LAMA2: variants seen among roughly 807,000 people sequenced by gnomAD.
The protein encoded by LAMA2 is laminin subunit alpha 2, also known as laminin subunit alpha-2.
In LAMA2, 269 loss-of-function variants were observed where a neutral mutation model predicts 364.8. The observed-to-expected ratio is 0.74, with a 90% CI of 0.67 to 0.82. LAMA2 has a LOEUF of 0.82. LAMA2 is among the 40% of genes least tolerant of loss of function. The pLI is 0.00. For missense variants in LAMA2, 3,807 were observed against 3,873.2 expected (o/e 0.98, Z 0.45); for synonymous variants, 1,379 against 1,370.6 (o/e 1.01, Z -0.14).
intron 4 of LAMA2, among the ~76,000 whole-genome samples, chr6:129,117,024 T>C (rs1776519573): frequency 6.6e-6 from 1 of 152,196 alleles, no homozygotes; most frequent in South Asian, 2.1e-4. Context: ...GAAAAATGCA[T>C]ACTAGCTGCT....
At chr6:129,184,978 A>G (rs2115026463) in intron 10 of LAMA2, among the ~76,000 whole-genome samples, 1 of 152,090 alleles carries the variant, frequency 6.6e-6, no homozygotes, top group South Asian at 2.1e-4. Context: ...ACTGCTAATT[A>G]ACTAATTATC....
intron 1 of LAMA2, among the ~76,000 whole-genome samples, chr6:128,963,800 G>A (rs1453874101): frequency 6.6e-6 from 1 of 152,058 alleles, no homozygotes; most frequent in Non-Finnish European, 1.5e-5. Flanking sequence ...CCTTTTAGCT[G>A]ACAAAACATT....
intron 12 of LAMA2, among the ~76,000 whole-genome samples, chr6:129,213,664 GTA>G (rs1264304752): frequency 6.6e-6 from 1 of 152,082 alleles, no homozygotes; most frequent in African/African-American, 2.4e-5. Flanking sequence ...TTTTCCATCT[GTA>G]TATAAGCTTT....
At chr6:129,409,954 A>T (rs1780443079) in intron 40 of LAMA2, among the ~76,000 whole-genome samples, 1 of 152,164 alleles carries the variant, frequency 6.6e-6, no homozygotes, top group Non-Finnish European at 1.5e-5. Flanking sequence ...ACAGTGAATG[A>T]ATAGATTTTC....
At chr6:129,356,502 G>T (rs780461770) in intron 32 of LAMA2, among the ~76,000 whole-genome samples, 2 of 152,004 alleles carry the variant, frequency 1.3e-5, no homozygotes, top group African/African-American at 4.8e-5. Flanking sequence ...CATCCCCACT[G>T]TGTGATAAGA....
intron 9 of LAMA2, among the ~76,000 whole-genome samples, chr6:129,172,947 C>A (rs944770290): frequency 1.3e-5 from 2 of 152,216 alleles, no homozygotes; most frequent in African/African-American, 2.4e-5. Context: ...AGGTGCCGTC[C>A]GTCACCCCTT....
chr6:129,259,936 A>G lies in LAMA2; in HGVS notation c.2097-775A>G, dbSNP rs952697285. 7.9e-5 allele frequency among the ~76,000 whole-genome samples: 12 copies of G among 152,182 alleles called. 1 individual carries two copies. The highest frequency in any genetic ancestry group is 1.6e-4 in the Non-Finnish European group (11 of 68,002). On this transcript the variant is annotated intron_variant, in intron 14 of 64. Coordinates refer to ENST00000421865, the MANE Select transcript of LAMA2 (RefSeq NM_000426.4). ...CCTTTTACACAAAAATAGGAAAAGC[A>G]AGTAAGATACCAATAACATTTATTT...
At chr6:128,890,568 CATGCTGCTTATTACTATGTAG>C (rs1776396298) in intron 1 of LAMA2, among the ~76,000 whole-genome samples, 1 of 151,802 alleles carries the variant, frequency 6.6e-6, no homozygotes, top group African/African-American at 2.4e-5. Flanking sequence ...CACACACACA[CATGCTGCTTATTACTATGTAG>C]ACATATACAC....
chr6:129,225,438 T>C (rs536115234), intron 12 of LAMA2, among the ~76,000 whole-genome samples: 63 of 152,338 alleles, frequency 4.1e-4, no homozygotes, highest in African/African-American at 1.5e-3. Context: ...GGTGTCAATT[T>C]TGGATCTTTC....
chr6:129,072,124 G>A (rs1282076314), intron 3 of LAMA2, among the ~76,000 whole-genome samples: 1 of 152,102 alleles, frequency 6.6e-6, no homozygotes, highest in Non-Finnish European at 1.5e-5. Context: ...TCCAGCCTGG[G>A]TGACAGAGCT....
chr6:129,422,892 A>G (rs754414461), intron 40 of LAMA2, among the ~76,000 whole-genome samples: 5 of 152,112 alleles, frequency 3.3e-5, no homozygotes, highest in Admixed American at 6.5e-5. Context: ...AAAGAAAATT[A>G]TATTATATAA....
chr6:128,937,838 GT>G (rs367841520), intron 1 of LAMA2, among the ~76,000 whole-genome samples: 3,263 of 143,896 alleles, frequency 0.023, 101 homozygotes, highest in African/African-American at 0.068. Context: ...CTTTGTCTTA[GT>G]TTTTTTTTTC....
intron 40 of LAMA2, 85 bp downstream of exon 40, chr6:129,404,044 T>A: frequency 6.9e-7 from 1 of 1,443,880 alleles, no homozygotes; most frequent in Non-Finnish European, 9.6e-7. Context: ...AAAATCCCAG[T>A]AAATTGGTAT....
intron 1 of LAMA2, among the ~76,000 whole-genome samples, chr6:129,033,235 A>G (rs1786365198): frequency 6.6e-6 from 1 of 151,926 alleles, no homozygotes; most frequent in Non-Finnish European, 1.5e-5. Flanking sequence ...AAAAAAGAAA[A>G]GAATGAAGTA....
At chr6:129,248,085 C>A (rs1181466849) in intron 12 of LAMA2, among the ~76,000 whole-genome samples, 2 of 152,262 alleles carry the variant, frequency 1.3e-5, no homozygotes, top group Middle Eastern at 3.4e-3. Flanking sequence ...AGCTCTACCG[C>A]CTGTCAGATC....
intron 62 of LAMA2, among the ~76,000 whole-genome samples, chr6:129,511,232 A>AAAG (rs1405226881): frequency 2.6e-5 from 4 of 152,104 alleles, no homozygotes; most frequent in Non-Finnish European, 5.9e-5. Flanking sequence ...TTTGTTCTTA[A>AAAG]AAGTTTTCCA....
chr6:129,305,648 A>T (rs976110267), intron 22 of LAMA2, among the ~76,000 whole-genome samples: 16 of 151,820 alleles, frequency 1.1e-4, no homozygotes, highest in African/African-American at 2.7e-4. Context: ...AGAGAGAGAG[A>T]GTGTGTGTGT....
intron 1 of LAMA2, among the ~76,000 whole-genome samples, chr6:128,997,056 C>T (rs752945293): frequency 6.0e-4 from 89 of 149,104 alleles, no homozygotes; most frequent in Non-Finnish European, 8.4e-4. Flanking sequence ...TGTTCTCACT[C>T]ATAAGTGGGT....
Position 129,473,237 on chromosome 6 carries a change from G to C in LAMA2, c.7324G>C (p.Asp2442His), listed in dbSNP as rs1325242956. ...KQANISIVDIDTNQEENIATS... is the reference protein window; with the variant it reads ...KQANISIVDIHTNQEENIATS... ...AGCCAATATATCAATTGTAGATATA[G>C]ATACTAATCAGGAGGAGAATATAGC... Residue 2442 changes from aspartate to histidine, a missense_variant, in exon 52 of 65, where the codon GAT (aspartate) becomes CAT (histidine). By Grantham distance (81) the Asp-to-His change is moderately conservative. This residue lies in a region of LAMA2 where 3,333 missense variants were observed against 3,345.7 expected (regional missense o/e 1.00). Coordinates refer to ENST00000421865, the MANE Select transcript of LAMA2 (RefSeq NM_000426.4). 5.0e-6 allele frequency: 8 copies of C among 1,602,094 alleles called. No individual in the cohort carries two copies. Among genetic ancestry groups the C allele is most frequent in the Non-Finnish European group, 6.0e-6 (7 of 1,169,772 alleles).
Sources: gnomAD v4.1 joint callset for allele counts (sites outside exome capture counted in the v4.1 genomes callset) on GRCh38, gnomAD v4.1.1 for gene constraint, gnomAD v4.1.1 regional missense constraint, MANE v1.5 for transcripts, NCBI Gene and HGNC (gene_info 2026-07-23, HGNC 2026-07-21) for gene names.